MAP3K13: variants seen among roughly 807,000 people sequenced by gnomAD.
MAP3K13 encodes the protein leucine zipper-bearing kinase.
Under a neutral mutation model 104.0 loss-of-function variants are expected in MAP3K13, and 52 were observed. The ratio of observed to expected loss-of-function variants is 0.50; its 90% CI spans 0.40 to 0.63. MAP3K13 has a LOEUF of 0.63. MAP3K13 is among the 20% of genes least tolerant of loss of function. MAP3K13 has a pLI of 0.00. For missense variants in MAP3K13, 914 were observed against 1,218.5 expected, an observed-to-expected ratio of 0.75 and a Z score of 3.72; for synonymous variants, 394 against 442.2, an observed-to-expected ratio of 0.89 and a Z score of 1.37.
At chr3:185,346,168 C>A (rs1560057876) in intron 2 of MAP3K13, among the ~76,000 whole-genome samples, 1 of 152,176 alleles carries the variant, frequency 6.6e-6, no homozygotes, top group Non-Finnish European at 1.5e-5. Flanking sequence ...CTCCCCAAAA[C>A]CCCAATAACG....
In MAP3K13 at chr3:185,423,525, C is replaced by G. The variant is rs1289190004; in HGVS notation, c.-85-4972C>G. Reference sequence around the variant, plus strand: ...TAATGTCAAAGCTCAGAGATGAGCACGAAAAGAACAGGGGAGGGGAGGCTG... The same window carrying G: ...TAATGTCAAAGCTCAGAGATGAGCAGGAAAAGAACAGGGGAGGGGAGGCTG... On this transcript the variant is annotated intron_variant, in intron 1 of 13. Coordinates refer to ENST00000265026, the MANE Select transcript of MAP3K13 (RefSeq NM_004721.5). The surrounding 1 kb of genome is among the most constrained non-coding windows in gnomAD (Gnocchi z 4.1). Among the ~76,000 whole-genome samples, 1 of 152,080 alleles carries G rather than the reference C, an allele frequency of 6.6e-6. No individual in the cohort carries two copies. The highest frequency in any genetic ancestry group is 1.5e-5 in the Non-Finnish European group (1 of 68,008).
rs1305558019 is a variant in MAP3K13 at position 185,486,306 on chromosome 3, CTCAG to C, written c.*3854_*3857del. ...TTAGGGTAGTACGTAGTGGCTGAATCTCAGTCATTCATTGTATAGTCGAGAGTTG... is the reference window on the plus strand; with the variant it reads ...TTAGGGTAGTACGTAGTGGCTGAATCTCATTCATTGTATAGTCGAGAGTTG... On this transcript the variant is annotated 3_prime_UTR_variant, in exon 14 of 14. Transcript: ENST00000265026. 9.9e-5 allele frequency: 15 copies of C among 152,270 alleles called. No homozygotes were observed. Among genetic ancestry groups the C allele is most frequent in the Admixed American group, 8.5e-4 (13 of 15,296 alleles). The allele number at this position is 152,270 out of a possible 1,614,324, so 9.4% of individuals were successfully genotyped here.
At chr3:185,289,166 A>G (rs1388771261) in intron 2 of MAP3K13, among the ~76,000 whole-genome samples, 7 of 152,122 alleles carry the variant, frequency 4.6e-5, no homozygotes, top group African/African-American at 1.7e-4. Context: ...AATAAGAGAA[A>G]GTATAGAACT....
At chr3:185,344,840 A>T (rs980844883) in intron 2 of MAP3K13, among the ~76,000 whole-genome samples, 2 of 151,394 alleles carry the variant, frequency 1.3e-5, no homozygotes, top group Non-Finnish European at 2.9e-5. Context: ...CTATAATGTT[A>T]TTGGAAATGG....
At chr3:185,432,564 G>A (rs564063853) in intron 2 of MAP3K13, among the ~76,000 whole-genome samples, 28 of 151,972 alleles carry the variant, frequency 1.8e-4, no homozygotes, top group Admixed American at 7.2e-4. Flanking sequence ...ATAAGTGATC[G>A]AGTACATTTG....
intron 2 of MAP3K13, among the ~76,000 whole-genome samples, chr3:185,323,753 C>T (rs1360886833): frequency 4.6e-5 from 7 of 152,122 alleles, no homozygotes; most frequent in Non-Finnish European, 8.8e-5. Flanking sequence ...TTAATATTCA[C>T]GTACATGTGT....
At chr3:185,320,079 G>C (rs1402030560) in intron 2 of MAP3K13, among the ~76,000 whole-genome samples, 1 of 128,008 alleles carries the variant, frequency 7.8e-6, no homozygotes, top group East Asian at 2.2e-4. Context: ...TGCTATGTAA[G>C]TAACTTTTTT....
At chr3:185,455,851 TATGA>T (rs1716687287) in intron 7 of MAP3K13, among the ~76,000 whole-genome samples, 1 of 93,434 alleles carries the variant, frequency 1.1e-5, no homozygotes, top group African/African-American at 3.7e-5. Context: ...ATGAGATATA[TATGA>T]GATATATATG....
At chr3:185,286,464 CAA>C (rs1720515700) in intron 2 of MAP3K13, among the ~76,000 whole-genome samples, 1 of 149,916 alleles carries the variant, frequency 6.7e-6, no homozygotes, top group Non-Finnish European at 1.5e-5. Context: ...AATTTGCATA[CAA>C]AGATTTTTTT....
intron 7 of MAP3K13, 69 bp downstream of exon 7, chr3:185,451,464 C>T: frequency 1.0e-6 from 1 of 975,350 alleles, no homozygotes. Context: ...CAGAGTAACT[C>T]TTAGAAGGGC....
intron 2 of MAP3K13, among the ~76,000 whole-genome samples, chr3:185,430,735 A>T (rs536990837): frequency 2.6e-5 from 4 of 152,314 alleles, no homozygotes; most frequent in Admixed American, 6.5e-5. Context: ...AAAAAATTTT[A>T]AAATAATCTA....
upstream of MAP3K13, among the ~76,000 whole-genome samples, chr3:185,361,546 G>A (rs976018043): frequency 5.3e-5 from 8 of 151,890 alleles, no homozygotes; most frequent in South Asian, 2.1e-4. Flanking sequence ...GGCTACAGGC[G>A]CCCACCATCA....
intron 4 of MAP3K13, among the ~76,000 whole-genome samples, chr3:185,444,974 C>T (rs1159211496): frequency 6.6e-6 from 1 of 151,910 alleles, no homozygotes; most frequent in African/African-American, 2.4e-5. Flanking sequence ...CAGAGCACAA[C>T]CCTGTCTCAA....
At chr3:185,333,563 T>C (rs540046078) in intron 2 of MAP3K13, among the ~76,000 whole-genome samples, 2 of 152,124 alleles carry the variant, frequency 1.3e-5, no homozygotes, top group Admixed American at 6.5e-5. Context: ...AAAATCATAC[T>C]AGAAACAACA....
chr3:185,436,493 T>C (rs1009188026), intron 2 of MAP3K13, among the ~76,000 whole-genome samples: 1 of 152,202 alleles, frequency 6.6e-6, no homozygotes, highest in Admixed American at 6.5e-5. Context: ...ATCAGTTATA[T>C]GATTTTAGGA....
In MAP3K13 at chr3:185,290,418, T is replaced by C. The variant is rs116701097; in HGVS notation, c.-86+4775T>C. Among the ~76,000 whole-genome samples the C allele has an allele frequency of 7.5e-3, 1,136 of 152,328 alleles. 10 individuals are homozygous for C. The highest frequency in any genetic ancestry group is 0.023 in the African/African-American group (970 of 41,570). On this transcript the variant is annotated intron_variant, in intron 2 of 14. Coordinates refer to the MAP3K13 transcript ENST00000424227. ...CACTTCTGAGCAGTGACTGCTGAAA[T>C]GGATTCTATATTACTCCTGTTGGGG...
At chr3:185,361,171 G>A (rs1169666177), upstream of MAP3K13, among the ~76,000 whole-genome samples, 2 of 148,288 alleles carry the variant, frequency 1.3e-5, no homozygotes, top group Non-Finnish European at 3.0e-5. Context: ...ATATGTGTGT[G>A]TATATATTAT....
intron 1 of MAP3K13, among the ~76,000 whole-genome samples, chr3:185,426,976 A>G (rs76660567): frequency 8.2e-4 from 125 of 152,292 alleles, no homozygotes; most frequent in African/African-American, 2.9e-3. Flanking sequence ...CCTGACCTCT[A>G]GCATATTCTA....
intron 2 of MAP3K13, among the ~76,000 whole-genome samples, chr3:185,347,930 T>C (rs1445956176): frequency 6.7e-6 from 1 of 149,286 alleles, no homozygotes; most frequent in African/African-American, 2.5e-5. Flanking sequence ...GAGAATTGCT[T>C]GAATCTGGGA....
Sources: gnomAD v4.1 joint callset for allele counts (sites outside exome capture counted in the v4.1 genomes callset) on GRCh38, gnomAD v4.1.1 for gene constraint, Gnocchi (gnomAD v3.1) non-coding constraint, MANE v1.5 for transcripts, NCBI Gene and HGNC (gene_info 2026-07-23, HGNC 2026-07-21) for gene names.